Variants in NMD3 observed in about 807,000 individuals in gnomAD.
The protein encoded by NMD3 is NMD3 ribosome export adaptor.
In NMD3, 47 loss-of-function variants were observed where a neutral mutation model predicts 73.1. That is an observed-to-expected ratio of 0.64 (90% CI 0.51 to 0.82). The LOEUF is 0.82. Among genes scored for constraint, NMD3 ranks in the 40% least tolerant of loss-of-function variants. NMD3 has a pLI of 0.00. For missense variants in NMD3, 554 were observed against 612.5 expected (o/e 0.90, Z 1.01); for synonymous variants, 210 against 194.5 (o/e 1.08, Z -0.66).
chr3:161,236,714 G>C (rs1385977276), intron 7 of NMD3, among the ~76,000 whole-genome samples: 1 of 151,840 alleles, frequency 6.6e-6, no homozygotes, highest in Non-Finnish European at 1.5e-5. Flanking sequence ...TATATATTTA[G>C]GTCTAACTCT....
At chr3:161,247,399 G>T in intron 13 of NMD3, 69 bp downstream of exon 13, 1 of 873,192 alleles carries the variant, frequency 1.1e-6, no homozygotes, top group Non-Finnish European at 1.8e-6. Context: ...GGGGTAAGAG[G>T]TAGGAGTTCA....
chr3:161,235,086 G>A, intron 6 of NMD3, 36 bp from the exon 7 acceptor site: 3 of 1,148,156 alleles, frequency 2.6e-6, no homozygotes, highest in Non-Finnish European at 3.8e-6. Flanking sequence ...TGGCTTTTTT[G>A]TGGGGCATTT....
At chr3:161,237,669 A>G (rs1736814093) in intron 7 of NMD3, among the ~76,000 whole-genome samples, 1 of 151,136 alleles carries the variant, frequency 6.6e-6, no homozygotes, top group Non-Finnish European at 1.5e-5. Context: ...CCTCCCAAGT[A>G]GCTGAGATTT....
rs907969644 is a variant in NMD3 at position 161,224,984 on chromosome 3, G to T, written c.99G>T (p.Val33=). ...PISPNPANIC[V]ACLRSKVDIS... ...GTCCAAATCCTGCCAATATTTGTGTGGCCTGTTTGCGAAGTAAAGTGGACA... is the reference window on the plus strand; with the variant it reads ...GTCCAAATCCTGCCAATATTTGTGTTGCCTGTTTGCGAAGTAAAGTGGACA... The change falls in exon 3 of 16, where the codon GTG becomes GTT. Residue 33 remains valine, a synonymous_variant. Transcript: ENST00000351193. The T allele has an allele frequency of 5.0e-6, 8 of 1,613,736 alleles. No individual in the cohort carries two copies. Among genetic ancestry groups the T allele is most frequent in the African/African-American group, 1.3e-5 (1 of 74,858 alleles).
chr3:161,242,801 G>A (rs1479250412), intron 11 of NMD3, 148 bp downstream of exon 11: 4 of 536,574 alleles, frequency 7.5e-6, no homozygotes, highest in Non-Finnish European at 1.2e-5. Context: ...TTTTTTTTTT[G>A]TCTTTTTAAT....
rs539406360 is a variant in NMD3 at position 161,240,526 on chromosome 3, A to ATTTTTTT, written c.754-510_754-504dup. On this transcript the variant is annotated intron_variant, in intron 9 of 15. Coordinates refer to ENST00000351193, the MANE Select transcript of NMD3 (RefSeq NM_015938.5). Reference sequence around the variant, plus strand: ...AATAGCTTGGTGATTTGGGCCCTGGATTTTTTTTTTTTTTTTGAGAGACAG... The same window carrying ATTTTTTT: ...AATAGCTTGGTGATTTGGGCCCTGGATTTTTTTTTTTTTTTTTTTTTTTGAGAGACAG... Among the ~76,000 whole-genome samples the ATTTTTTT allele has an allele frequency of 4.5e-5, 5 of 111,698 alleles. 1 individual carries two copies. The highest frequency in any genetic ancestry group is 2.2e-4 in the Admixed American group (2 of 9,238). 73.3% of individuals were successfully genotyped at this position (111,698 alleles called of 152,430 possible). A position where few individuals can be genotyped will look rare whatever the true frequency, so the allele number is the denominator to read the frequency against.
intron 4 of NMD3, among the ~76,000 whole-genome samples, chr3:161,230,600 T>C (rs1222820059): frequency 6.6e-6 from 1 of 152,190 alleles, no homozygotes; most frequent in Non-Finnish European, 1.5e-5. Flanking sequence ...AAAGAATACA[T>C]TTATTTGTTA....
intron 4 of NMD3, among the ~76,000 whole-genome samples, chr3:161,231,006 CTG>C (rs1736521958): frequency 6.6e-6 from 1 of 152,190 alleles, no homozygotes; most frequent in Non-Finnish European, 1.5e-5. Context: ...AGACTAGTCA[CTG>C]TGGTGTGCAT....
intron 11 of NMD3, among the ~76,000 whole-genome samples, chr3:161,244,741 T>C (rs1040146689): frequency 6.6e-6 from 1 of 151,122 alleles, no homozygotes; most frequent in Admixed American, 6.6e-5. Context: ...GGTTGTGTGC[T>C]CCAGTGATCT....
Position 161,241,066 on chromosome 3 carries a change from T to TC in NMD3, c.776dup (p.Leu261ThrfsTer25). The stretch of plus-strand genomic sequence containing the variant: ...CCTAGGATAATGTTGTCTGTCTGTC[T>TC]CCAAAACTGGCACAAAGCCTGGGAA... On this transcript the variant is annotated frameshift_variant, in exon 10 of 16. Coordinates refer to ENST00000351193, the MANE Select transcript of NMD3 (RefSeq NM_015938.5). LOFTEE classifies it high-confidence loss of function. The TC allele has an allele frequency of 1.2e-6, 2 of 1,611,822 alleles. No individual in the cohort carries two copies. Among genetic ancestry groups the TC allele is most frequent in the Middle Eastern group, 1.9e-4 (1 of 5,366 alleles).
chr3:161,221,700 T>C (rs1000066568), intron 1 of NMD3: 6 of 226,402 alleles, frequency 2.7e-5, no homozygotes, highest in Non-Finnish European at 4.3e-5. Context: ...GACCTCGCCC[T>C]TGGTCGTCCA....
intron 4 of NMD3, among the ~76,000 whole-genome samples, chr3:161,231,158 A>AATTTTGATTATTG (rs1290039938): frequency 6.6e-6 from 1 of 152,240 alleles, no homozygotes; most frequent in Non-Finnish European, 1.5e-5. Flanking sequence ...ACATGAGAAT[A>AATTTTGATTATTG]ATTTTGATTA....
chr3:161,240,479 A>G (rs1736926151), intron 9 of NMD3, among the ~76,000 whole-genome samples: 2 of 151,534 alleles, frequency 1.3e-5, no homozygotes, highest in African/African-American at 4.9e-5. Flanking sequence ...AGGCATTCAC[A>G]CTGCAATAAA....
At chr3:161,222,870 G>A (rs774773124) in intron 2 of NMD3, 8 of 152,232 alleles carry the variant, frequency 5.3e-5, no homozygotes, top group Non-Finnish European at 8.8e-5. Flanking sequence ...GTGAAAGCAG[G>A]AAATTTGGCC....
In NMD3 at chr3:161,238,710, A is replaced by G. The variant is rs377301080; in HGVS notation, c.657-20A>G. 1 of 1,131,108 alleles carries G rather than the reference A, an allele frequency of 8.8e-7. No homozygotes were observed. The highest frequency in any genetic ancestry group is 1.3e-6 in the Non-Finnish European group (1 of 742,894). The allele number at this position is 1,131,108 out of a possible 1,614,324, so 70.1% of individuals were successfully genotyped here. On this transcript the variant is annotated intron_variant, in intron 8 of 15. Coordinates refer to ENST00000351193, the MANE Select transcript of NMD3 (RefSeq NM_015938.5). Reference sequence around the variant, plus strand: ...TAATGATCTTTGTCTTTATATTACTACTAACTTTTTTCTTAATAGATACAA... The same window carrying G: ...TAATGATCTTTGTCTTTATATTACTGCTAACTTTTTTCTTAATAGATACAA...
chr3:161,227,330 C>A lies in NMD3; in HGVS notation c.263C>A (p.Ala88Asp). The change falls in exon 4 of 16, where the codon GCC (alanine) becomes GAC (aspartate). Residue 88 changes from alanine to aspartate, a missense_variant. Physicochemically the swap from Ala to Asp is moderately radical, Grantham distance 126. Transcript: ENST00000351193. The part of the protein sequence containing the change: ...LLALCLKKIK[A>D]PLSKVRLVDA... ...GCTTTGTGCTTGAAAAAAATCAAAG[C>A]CCCTCTGAGTAAGGTAAGTTAAACA... 2 of 1,599,608 alleles carry A rather than the reference C, an allele frequency of 1.3e-6. No homozygotes were observed. Among genetic ancestry groups the A allele is most frequent in the South Asian group, 1.1e-5 (1 of 90,818 alleles).
Position 161,250,898 on chromosome 3 carries a change from A to G in NMD3, c.1500A>G (p.Ser500=), listed in dbSNP as rs1417505232. The G allele has an allele frequency of 6.2e-7, 1 of 1,611,888 alleles. No homozygotes were observed. Among genetic ancestry groups the G allele is most frequent in the Non-Finnish European group, 8.5e-7 (1 of 1,178,524 alleles). ...ATGCCACTGGTGAAGAAGGTGCATC[A>G]ATGCTGACATAATGAGATGTTGTAG... ...SQDATGEEGA[S]MLT is the part of the protein sequence containing the mutation. Residue 500 remains serine, a synonymous_variant, in exon 16 of 16, where the codon TCA becomes TCG. Transcript: ENST00000351193.
rs919179091 is a variant in NMD3, at chr3:161,232,998, A to G, written c.277-401A>G. ...CACTTCTTAAAAAAAGTCACAGAAT[A>G]TAGAGAGAATAATCCAAGTGGAAAC... On this transcript the variant is annotated intron_variant, in intron 4 of 15. Coordinates refer to ENST00000351193, the MANE Select transcript of NMD3 (RefSeq NM_015938.5). 7.9e-5 allele frequency among the ~76,000 whole-genome samples: 12 copies of G among 152,212 alleles called. No homozygotes were observed. The South Asian group carries it at 1.4e-3, about 18-fold the overall frequency.
At chr3:161,235,272 G>T in intron 7 of NMD3, 60 bp downstream of exon 7, 1 of 725,268 alleles carries the variant, frequency 1.4e-6, no homozygotes, top group South Asian at 1.8e-5. Context: ...ACATACCTAA[G>T]TAATCTTATA....
Sources: gnomAD v4.1 joint callset for allele counts (sites outside exome capture counted in the v4.1 genomes callset) on GRCh38, gnomAD v4.1.1 for gene constraint, MANE v1.5 for transcripts, NCBI Gene and HGNC (gene_info 2026-07-23, HGNC 2026-07-21) for gene names.